The following MMRN1 variants were observed in gnomAD, a reference collection of about 807,000 sequenced individuals.
MMRN1 encodes multimerin 1, also known as multimerin-1.
MMRN1 carries 94 observed loss-of-function variants against 100.7 expected under a neutral mutation model. The observed-to-expected ratio is 0.93, with a 90% CI of 0.79 to 1.11. The LOEUF is 1.11. Among genes scored for constraint, MMRN1 ranks in the 50% least tolerant of loss-of-function variants. The probability of loss-of-function intolerance (pLI) is 0.00; values close to 1 mark genes in which losing one functional copy is unlikely to be tolerated. For missense variants in MMRN1, 1,606 were observed against 1,439.1 expected, an observed-to-expected ratio of 1.12 and a Z score of -1.88; for synonymous variants, 575 against 505.0, an observed-to-expected ratio of 1.14 and a Z score of -1.86.
At chr4:89,882,256 C>T (rs1023472148) in intron 1 of MMRN1, among the ~76,000 whole-genome samples, 1 of 150,954 alleles carries the variant, frequency 6.6e-6, no homozygotes, top group Non-Finnish European at 1.5e-5. Flanking sequence ...ATCCATGTTC[C>T]TAATATTGAA....
chr4:89,900,028 C>T (rs1437096881), intron 1 of MMRN1, among the ~76,000 whole-genome samples: 1 of 152,008 alleles, frequency 6.6e-6, no homozygotes, highest in East Asian at 1.9e-4. Context: ...AAAAGTATGA[C>T]ATCATACTTG....
At chr4:89,936,887 C>A in intron 6 of MMRN1, 89 bp downstream of exon 6, 1 of 1,153,638 alleles carries the variant, frequency 8.7e-7, no homozygotes, top group Non-Finnish European at 1.2e-6. Flanking sequence ...GACCATTAAA[C>A]ATAAAACTAC....
intron 5 of MMRN1, among the ~76,000 whole-genome samples, chr4:89,933,385 C>G (rs142973744): frequency 2.0e-5 from 3 of 152,182 alleles, no homozygotes; most frequent in African/African-American, 7.2e-5. Context: ...TTACCCAGTT[C>G]CAAAGTCGCT....
intron 1 of MMRN1, among the ~76,000 whole-genome samples, chr4:89,880,855 T>A (rs1720800684): frequency 6.6e-6 from 1 of 152,092 alleles, no homozygotes; most frequent in South Asian, 2.1e-4. Context: ...GCAGGGATGT[T>A]AAAAAACAGT....
chr4:89,929,102 A>G (rs1722356084), intron 5 of MMRN1, among the ~76,000 whole-genome samples: 1 of 152,150 alleles, frequency 6.6e-6, no homozygotes, highest in Non-Finnish European at 1.5e-5. Context: ...CGGGTAGGGC[A>G]AGGATGTTCT....
Position 89,894,895 on chromosome 4 carries a change from T to TG in MMRN1, c.-75dup. On this transcript the variant is annotated 5_prime_UTR_variant, in exon 1 of 8. Transcript: ENST00000264790. Reference sequence around the variant, plus strand: ...AAACTCAGTCTTAGCAGATTCAGTGTGGAAGCAGCTATCAAAAAGGCCATA... The same window carrying TG: ...AAACTCAGTCTTAGCAGATTCAGTGTGGGAAGCAGCTATCAAAAAGGCCATA... 6.5e-7 allele frequency: 1 copy of TG among 1,530,378 alleles called. No individual in the cohort carries two copies. The highest frequency in any genetic ancestry group is 8.8e-7 in the Non-Finnish European group (1 of 1,141,586). The allele number at this position is 1,530,378 out of a possible 1,614,324, so 94.8% of individuals were successfully genotyped here.
At chr4:89,920,204 T>TATATTTCA (rs1230274796) in intron 3 of MMRN1, among the ~76,000 whole-genome samples, 49 of 152,266 alleles carry the variant, frequency 3.2e-4, no homozygotes, top group Non-Finnish European at 1.6e-4. Context: ...GTGGCTTTAT[T>TATATTTCA]ATATTTCAAT....
chr4:89,924,636 A>G (rs546605273), intron 4 of MMRN1, among the ~76,000 whole-genome samples: 53 of 151,886 alleles, frequency 3.5e-4, no homozygotes, highest in Admixed American at 1.0e-3. Flanking sequence ...TGAGGTGAGA[A>G]GATCGAAAAC....
intron 3 of MMRN1, among the ~76,000 whole-genome samples, chr4:89,917,864 A>G (rs184373245): frequency 6.6e-6 from 1 of 151,866 alleles, no homozygotes; most frequent in African/African-American, 2.4e-5. Flanking sequence ...ATTGCATTCA[A>G]TTTTTATCAG....
At chr4:89,898,652 G>T (rs1721287596) in intron 1 of MMRN1, among the ~76,000 whole-genome samples, 1 of 151,602 alleles carries the variant, frequency 6.6e-6, no homozygotes, top group South Asian at 2.1e-4. Flanking sequence ...TCAAATAAGT[G>T]GTTCTCTGGT....
At chr4:89,926,259 G>A (rs1049674177) in intron 4 of MMRN1, among the ~76,000 whole-genome samples, 1 of 152,134 alleles carries the variant, frequency 6.6e-6, no homozygotes, top group African/African-American at 2.4e-5. Context: ...GTATGGGGGG[G>A]TTCCCTTTCT....
chr4:89,917,885 C>T (rs1047161077), intron 3 of MMRN1, among the ~76,000 whole-genome samples: 8 of 151,954 alleles, frequency 5.3e-5, no homozygotes, highest in South Asian at 4.1e-4. Context: ...CACTTAAATA[C>T]TGTGTGTATT....
In MMRN1 at chr4:89,935,175, A is replaced by G. The variant is rs1722568007; in HGVS notation, c.1495A>G (p.Ser499Gly). 1 of 1,613,288 alleles carries G rather than the reference A, an allele frequency of 6.2e-7. No homozygotes were observed. Among genetic ancestry groups the G allele is most frequent in the South Asian group, 1.1e-5 (1 of 90,962 alleles). ...EGALEQEHSR[S>G]ILYYESLNKT... The stretch of plus-strand genomic sequence containing the variant: ...TGCTCTAGAACAGGAACACTCAAGA[A>G]GCATTCTGTATTATGAATCCCTCAA... The change falls in exon 6 of 8, where the codon AGC (serine) becomes GGC (glycine). Residue 499 changes from serine (S) to glycine (G), a missense_variant. Coordinates refer to ENST00000264790, the MANE Select transcript of MMRN1 (RefSeq NM_007351.3).
intron 1 of MMRN1, among the ~76,000 whole-genome samples, chr4:89,881,049 C>T (rs1720804186): frequency 2.0e-5 from 3 of 152,140 alleles, no homozygotes; most frequent in African/African-American, 7.2e-5. Flanking sequence ...AAGGGTAAGG[C>T]ATTTGTTGGC....
At chr4:89,897,292 T>C (rs1050571336) in intron 1 of MMRN1, among the ~76,000 whole-genome samples, 77 of 152,228 alleles carry the variant, frequency 5.1e-4, no homozygotes, top group Middle Eastern at 3.4e-3. Context: ...CACTGCAATC[T>C]TCGACTCCCA....
chr4:89,945,432 T>G (rs1722958590), intron 6 of MMRN1, among the ~76,000 whole-genome samples: 1 of 152,176 alleles, frequency 6.6e-6, no homozygotes, highest in Non-Finnish European at 1.5e-5. Flanking sequence ...CCACTTGGCA[T>G]TTCCATGAAT....
At chr4:89,923,320 C>T in intron 4 of MMRN1, 48 bp downstream of exon 4, 2 of 1,485,634 alleles carry the variant, frequency 1.3e-6, no homozygotes, top group Non-Finnish European at 1.9e-6. Flanking sequence ...ATTGTCAATG[C>T]TATTTATTAC....
intron 7 of MMRN1, among the ~76,000 whole-genome samples, chr4:89,952,505 T>C (rs1352738096): frequency 6.6e-6 from 1 of 152,214 alleles, no homozygotes; most frequent in Admixed American, 6.5e-5. Context: ...CACAGAAAAT[T>C]GCCTTTGTCT....
chr4:89,902,364 A>C (rs1232335178), intron 1 of MMRN1, among the ~76,000 whole-genome samples: 4 of 151,978 alleles, frequency 2.6e-5, no homozygotes, highest in African/African-American at 9.7e-5. Flanking sequence ...AGAGAAAAAA[A>C]ACAAATTTAT....
Sources: gnomAD v4.1 joint callset for allele counts (sites outside exome capture counted in the v4.1 genomes callset) on GRCh38, gnomAD v4.1.1 for gene constraint, MANE v1.5 for transcripts, NCBI Gene and HGNC (gene_info 2026-07-23, HGNC 2026-07-21) for gene names.